Variants in WDFY2 observed in about 807,000 individuals in gnomAD.
WDFY2 encodes WD repeat and FYVE domain containing 2.
In WDFY2, 36 loss-of-function variants were observed where a neutral mutation model predicts 56.4. That is an observed-to-expected ratio of 0.64 (90% CI 0.49 to 0.84). WDFY2 has a LOEUF of 0.84. WDFY2 is among the 40% of genes least tolerant of loss of function. The pLI, the probability that WDFY2 is intolerant of heterozygous loss-of-function variation, is 0.00. For missense variants in WDFY2, 444 were observed against 512.2 expected (o/e 0.87, Z 1.29); for synonymous variants, 176 against 183.7 (o/e 0.96, Z 0.34).
At chr13:51,608,116 A>C (rs1045533540) in intron 1 of WDFY2, among the ~76,000 whole-genome samples, 1 of 152,208 alleles carries the variant, frequency 6.6e-6, no homozygotes, top group African/African-American at 2.4e-5. Context: ...CTTAACACTC[A>C]CTTTGGACTT....
rs74086231 is a variant in WDFY2, at chr13:51,662,467, C to T, written c.205+1804C>T. Among the ~76,000 whole-genome samples, 588 of 152,190 alleles carry T rather than the reference C, an allele frequency of 3.9e-3. 5 individuals carry two copies. Among genetic ancestry groups the T allele is most frequent in the African/African-American group, 0.014 (563 of 41,532 alleles). ...CAAAATGATGGGGATTTGGGGATGGCAAGCGAGGAATCTTATTGAGATAAG... is the reference window on the plus strand; with the variant it reads ...CAAAATGATGGGGATTTGGGGATGGTAAGCGAGGAATCTTATTGAGATAAG... On this transcript the variant is annotated intron_variant, in intron 2 of 11. Coordinates refer to ENST00000298125, the MANE Select transcript of WDFY2 (RefSeq NM_052950.4).
At chr13:51,666,399 C>G (rs964064743) in intron 2 of WDFY2, among the ~76,000 whole-genome samples, 8 of 152,200 alleles carry the variant, frequency 5.3e-5, no homozygotes, top group Non-Finnish European at 1.0e-4. Flanking sequence ...GCCAGGAACT[C>G]TTTGCTCTCT....
At chr13:51,655,624 A>C (rs778451929) in intron 1 of WDFY2, among the ~76,000 whole-genome samples, 1 of 152,268 alleles carries the variant, frequency 6.6e-6, no homozygotes, top group Middle Eastern at 3.4e-3. Context: ...ATCTGTCTTC[A>C]TGAAGATTTA....
rs951894654 is a variant in WDFY2 at position 51,766,744 on chromosome 13, T to C, written c.*6975T>C. 5 of 152,280 alleles carry C rather than the reference T, an allele frequency of 3.3e-5. No individual in the cohort carries two copies. Among genetic ancestry groups the C allele is most frequent in the African/African-American group, 1.2e-4 (5 of 41,468 alleles). The allele number at this position is 152,280 out of a possible 1,614,324, so 9.4% of individuals were successfully genotyped here. ...TGTAGCCATTACCAATGTACAACTC[T>C]CAATGCGGAGTTGCCGCCACGGTTT... is the stretch of plus-strand genomic sequence containing the variant. On this transcript the variant is annotated 3_prime_UTR_variant, in exon 12 of 12. Coordinates refer to ENST00000298125, the MANE Select transcript of WDFY2 (RefSeq NM_052950.4).
intron 1 of WDFY2, among the ~76,000 whole-genome samples, chr13:51,628,760 T>G (rs1408289294): frequency 6.6e-6 from 1 of 152,232 alleles, no homozygotes; most frequent in South Asian, 2.1e-4. Context: ...CATGTTTAAC[T>G]GAATGGAATT....
intron 2 of WDFY2, among the ~76,000 whole-genome samples, chr13:51,666,997 C>T (rs1200084073): frequency 6.6e-6 from 1 of 152,160 alleles, no homozygotes; most frequent in Non-Finnish European, 1.5e-5. Context: ...ATTTGATTTT[C>T]ATTTTTGCTA....
intron 3 of WDFY2, among the ~76,000 whole-genome samples, chr13:51,682,067 G>A (rs966500982): frequency 3.9e-5 from 6 of 152,106 alleles, no homozygotes; most frequent in Non-Finnish European, 8.8e-5. Context: ...CTCTTGAATC[G>A]ACTTTTAGAC....
Position 51,699,392 on chromosome 13 carries a change from G to A in WDFY2, c.280-4204G>A, listed in dbSNP as rs117499139. ...GCTGGGCATCTTGTGAAACTCAGGC[G>A]AGCTTGGTAATGCATCACCGTCTTT... On this transcript the variant is annotated intron_variant, in intron 3 of 11. Coordinates refer to ENST00000298125, the MANE Select transcript of WDFY2 (RefSeq NM_052950.4). Among the ~76,000 whole-genome samples the A allele has an allele frequency of 4.5e-4, 69 of 152,286 alleles. No homozygotes were observed. The East Asian group carries it at 0.011, about 24-fold the overall frequency.
At chr13:51,748,953 A>G (rs150410180) in intron 7 of WDFY2, among the ~76,000 whole-genome samples, 8 of 152,214 alleles carry the variant, frequency 5.3e-5, no homozygotes, top group African/African-American at 1.2e-4. Flanking sequence ...TTTCATCTTC[A>G]TTCTCTCGAA....
chr13:51,606,249 G>T (rs1037908513), intron 1 of WDFY2, among the ~76,000 whole-genome samples: 4 of 152,096 alleles, frequency 2.6e-5, no homozygotes, highest in South Asian at 2.1e-4. Flanking sequence ...CAAAAATTTC[G>T]ATTTGATTTT....
At chr13:51,628,721 A>T (rs966442908) in intron 1 of WDFY2, among the ~76,000 whole-genome samples, 2 of 152,246 alleles carry the variant, frequency 1.3e-5, no homozygotes, top group Non-Finnish European at 2.9e-5. Flanking sequence ...TGCATCACAG[A>T]TGCCAGTTAG....
At chr13:51,684,494 T>C (rs1414883857) in intron 3 of WDFY2, among the ~76,000 whole-genome samples, 1 of 151,990 alleles carries the variant, frequency 6.6e-6, no homozygotes, top group Non-Finnish European at 1.5e-5. Context: ...CTGCTTACTC[T>C]TTTTTTGGTG....
intron 1 of WDFY2, among the ~76,000 whole-genome samples, chr13:51,622,619 A>G (rs1041767046): frequency 2.6e-5 from 4 of 152,234 alleles, no homozygotes; most frequent in Non-Finnish European, 1.5e-5. Context: ...AGTTTAGGAT[A>G]ACATTCATGC....
At chr13:51,684,594 T>TAC (rs1956031026) in intron 3 of WDFY2, among the ~76,000 whole-genome samples, 1 of 152,004 alleles carries the variant, frequency 6.6e-6, no homozygotes, top group Non-Finnish European at 1.5e-5. Flanking sequence ...GCACTCCAGT[T>TAC]TAGCATATTC....
At chr13:51,633,315 A>C (rs1461251253) in intron 1 of WDFY2, among the ~76,000 whole-genome samples, 1 of 152,192 alleles carries the variant, frequency 6.6e-6, no homozygotes, top group Non-Finnish European at 1.5e-5. Flanking sequence ...AGTGATTAAG[A>C]GTTTAAACTT....
intron 2 of WDFY2, among the ~76,000 whole-genome samples, chr13:51,666,176 T>C (rs1286693793): frequency 6.6e-6 from 1 of 152,256 alleles, no homozygotes; most frequent in Non-Finnish European, 1.5e-5. Context: ...GTGAACAGCA[T>C]GAACGATAGT....
chr13:51,692,790 G>A (rs9568653), intron 3 of WDFY2, among the ~76,000 whole-genome samples: 15,767 of 152,048 alleles, frequency 0.1, 1,020 homozygotes, highest in East Asian at 0.29. Flanking sequence ...TCCTTGTACC[G>A]CTGGTAGAAT....
intron 2 of WDFY2, among the ~76,000 whole-genome samples, chr13:51,667,360 G>A (rs202056561): frequency 6.6e-6 from 1 of 152,188 alleles, no homozygotes; most frequent in East Asian, 1.9e-4. Context: ...GAATGGAAAT[G>A]AGTTATTTTG....
intron 6 of WDFY2, among the ~76,000 whole-genome samples, chr13:51,736,785 C>G (rs1206017342): frequency 6.6e-6 from 1 of 152,188 alleles, no homozygotes; most frequent in Admixed American, 6.5e-5. Flanking sequence ...GCTACCGCAC[C>G]CGGCCCCATG....
Sources: gnomAD v4.1 joint callset for allele counts (sites outside exome capture counted in the v4.1 genomes callset) on GRCh38, gnomAD v4.1.1 for gene constraint, MANE v1.5 for transcripts, NCBI Gene and HGNC (gene_info 2026-07-23, HGNC 2026-07-21) for gene names.